Variants in MBNL1 observed in about 807,000 individuals in gnomAD.
The protein encoded by MBNL1 is muscleblind-like protein 1.
MBNL1 carries 8 observed loss-of-function variants against 42.2 expected under a neutral mutation model. The ratio of observed to expected loss-of-function variants is 0.19; its 90% CI spans 0.11 to 0.34. The LOEUF (loss-of-function observed/expected upper bound fraction) is 0.34, where lower values mean the gene tolerates loss of function less well. Among genes scored for constraint, MBNL1 ranks in the 10% least tolerant of loss-of-function variants. The probability of loss-of-function intolerance (pLI) is 1.00; values close to 1 mark genes in which losing one functional copy is unlikely to be tolerated. For synonymous variants in MBNL1, 169 were observed against 173.9 expected (o/e 0.97, Z 0.22); for missense variants, 309 against 495.3 (o/e 0.62, Z 3.57).
intron 2 of MBNL1, among the ~76,000 whole-genome samples, chr3:152,248,007 T>A (rs1207648834): frequency 6.6e-6 from 1 of 151,978 alleles, no homozygotes; most frequent in African/African-American, 2.4e-5. Flanking sequence ...AGTTTTTTTT[T>A]AATATGTAGT....
intron 4 of MBNL1, among the ~76,000 whole-genome samples, chr3:152,436,382 C>G (rs1041759063): frequency 5.3e-5 from 8 of 152,152 alleles, no homozygotes; most frequent in Non-Finnish European, 1.0e-4. Context: ...CCTGATACAC[C>G]TGGATTTTTG....
At chr3:152,258,362 A>G (rs1362269057) in intron 2 of MBNL1, among the ~76,000 whole-genome samples, 1 of 152,202 alleles carries the variant, frequency 6.6e-6, no homozygotes, top group East Asian at 1.9e-4. Flanking sequence ...CTAGGAAAAA[A>G]TTGTCCAAAA....
intron 2 of MBNL1, among the ~76,000 whole-genome samples, chr3:152,318,524 G>T (rs1476013091): frequency 1.3e-5 from 2 of 152,286 alleles, no homozygotes; most frequent in East Asian, 3.9e-4. Flanking sequence ...TACTGCAAAT[G>T]TATTCCACTG....
At chr3:152,367,212 G>A (rs185225178) in intron 2 of MBNL1, among the ~76,000 whole-genome samples, 372 of 130,130 alleles carry the variant, frequency 2.9e-3, no homozygotes, top group Non-Finnish European at 4.4e-3. Flanking sequence ...AGAGTGTAAT[G>A]TTCCCCTCCC....
At chr3:152,258,676 A>G (rs2035799948) in intron 2 of MBNL1, among the ~76,000 whole-genome samples, 1 of 152,254 alleles carries the variant, frequency 6.6e-6, no homozygotes, top group African/African-American at 2.4e-5. Context: ...CAATAACCCC[A>G]AAGTAGACAG....
chr3:152,319,456 A>T (rs1482158366), intron 2 of MBNL1, among the ~76,000 whole-genome samples: 1 of 152,072 alleles, frequency 6.6e-6, no homozygotes, highest in East Asian at 1.9e-4. Flanking sequence ...TGACTAGTTA[A>T]ATCACAGCAA....
chr3:152,286,621 C>CT (rs1205729435), intron 1 of MBNL1, among the ~76,000 whole-genome samples: 1 of 146,442 alleles, frequency 6.8e-6, no homozygotes, highest in Non-Finnish European at 1.5e-5. Context: ...CCTTGTTTAT[C>CT]TTTTTTGCAA....
chr3:152,436,606 G>C (rs1240788348), intron 4 of MBNL1, among the ~76,000 whole-genome samples: 2 of 152,158 alleles, frequency 1.3e-5, no homozygotes, highest in Non-Finnish European at 2.9e-5. Flanking sequence ...AGAAGTCTGA[G>C]ATTAACTTTA....
chr3:152,267,786 T>C (rs554920679), upstream of MBNL1: 16 of 152,352 alleles, frequency 1.1e-4, no homozygotes, highest in African/African-American at 3.4e-4. Flanking sequence ...TTCTGCACTT[T>C]AGCACCTTTC....
intron 4 of MBNL1, among the ~76,000 whole-genome samples, chr3:152,440,415 C>T (rs762108289): frequency 5.3e-5 from 8 of 152,144 alleles, no homozygotes; most frequent in Non-Finnish European, 5.9e-5. Context: ...GCGGAAAGCA[C>T]GTTTTGCATG....
intron 4 of MBNL1, among the ~76,000 whole-genome samples, chr3:152,434,899 T>G (rs1231994849): frequency 6.6e-6 from 1 of 152,172 alleles, no homozygotes; most frequent in Non-Finnish European, 1.5e-5. Context: ...GGTTGTTTGT[T>G]TTTTGCTCGT....
chr3:152,262,423 A>G (rs1172472332), intron 2 of MBNL1, among the ~76,000 whole-genome samples: 1 of 152,216 alleles, frequency 6.6e-6, no homozygotes, highest in East Asian at 1.9e-4. Context: ...GGAGCTAACA[A>G]AAGATCCACA....
intron 3 of MBNL1, among the ~76,000 whole-genome samples, chr3:152,423,068 G>A (rs920915313): frequency 6.6e-6 from 1 of 152,182 alleles, no homozygotes; most frequent in Non-Finnish European, 1.5e-5. Context: ...AAATTCAAAA[G>A]CTAGCAGAAG....
At chr3:152,340,689 A>T in intron 2 of MBNL1, 1 of 1,614,040 alleles carries the variant, frequency 6.2e-7, no homozygotes, top group South Asian at 1.1e-5. Context: ...ACCTAGCAAG[A>T]TCCCAGATGT....
In MBNL1 at chr3:152,433,284, T is replaced by TGCA. The variant is rs1041004708; in HGVS notation, c.549+367_549+369dup. ...GAATGTTTGTTGTTGTTGTTGTTGT[T>TGCA]GCAGCTATCAAGAATAACAAATATT... On this transcript the variant is annotated intron_variant, in intron 4 of 9. Transcript: ENST00000324210. Among the ~76,000 whole-genome samples, 3 of 152,136 alleles carry TGCA rather than the reference T, an allele frequency of 2.0e-5. No homozygotes were observed. In the South Asian group the frequency reaches 6.2e-4, roughly 32 times the overall value.
intron 1 of MBNL1, among the ~76,000 whole-genome samples, chr3:152,280,910 C>T (rs186170339): frequency 4.6e-5 from 7 of 151,990 alleles, no homozygotes; most frequent in Admixed American, 2.0e-4. Flanking sequence ...TTGTTTAAAG[C>T]CCATTACATA....
chr3:152,289,125 T>A (rs2150899673), intron 1 of MBNL1, among the ~76,000 whole-genome samples: 1 of 152,254 alleles, frequency 6.6e-6, no homozygotes, highest in African/African-American at 2.4e-5. Flanking sequence ...CATATATGAA[T>A]ACACTTCATG....
At chr3:152,272,043 C>T (rs1051024509) in intron 1 of MBNL1, among the ~76,000 whole-genome samples, 14 of 112,190 alleles carry the variant, frequency 1.2e-4, no homozygotes, top group African/African-American at 4.2e-4. Context: ...TTTCTTTTCT[C>T]TCTCTCTCTC....
At chr3:152,421,825 A>C (rs2098810016) in intron 3 of MBNL1, among the ~76,000 whole-genome samples, 1 of 152,208 alleles carries the variant, frequency 6.6e-6, no homozygotes, top group African/African-American at 2.4e-5. Context: ...TAGCCAGACA[A>C]ACTACGTTTC....
Sources: gnomAD v4.1 joint callset for allele counts (sites outside exome capture counted in the v4.1 genomes callset) on GRCh38, gnomAD v4.1.1 for gene constraint, MANE v1.5 for transcripts, NCBI Gene and HGNC (gene_info 2026-07-23, HGNC 2026-07-21) for gene names.